Variants in RBM27 observed in about 807,000 individuals in gnomAD.
The protein encoded by RBM27 is RNA binding motif protein 27.
Under a neutral mutation model 135.3 loss-of-function variants are expected in RBM27, and 22 were observed. The ratio of observed to expected loss-of-function variants is 0.16; its 90% CI spans 0.12 to 0.23. The LOEUF is 0.23. Among genes scored for constraint, RBM27 ranks in the 10% least tolerant of loss-of-function variants. The pLI, the probability that RBM27 is intolerant of heterozygous loss-of-function variation, is 1.00. For missense variants in RBM27, 1,009 were observed against 1,281.0 expected (o/e 0.79, Z 3.24); for synonymous variants, 481 against 442.4 (o/e 1.09, Z -1.10).
At chr5:146,249,955 C>G (rs965393932) in intron 8 of RBM27, among the ~76,000 whole-genome samples, 4 of 152,062 alleles carry the variant, frequency 2.6e-5, no homozygotes, top group Admixed American at 6.5e-5. Flanking sequence ...AGGGTTAATG[C>G]TAAGTGCACA....
At chr5:146,258,104 C>T (rs1428932668) in intron 10 of RBM27, among the ~76,000 whole-genome samples, 1 of 152,042 alleles carries the variant, frequency 6.6e-6, no homozygotes, top group Non-Finnish European at 1.5e-5. Flanking sequence ...CAGGCGTGAG[C>T]CACCGTGCCT....
Position 146,219,033 on chromosome 5 carries a change from C to A in RBM27, c.108C>A (p.Val36=). Residue 36 remains valine (V), a synonymous_variant, in exon 2 of 21, where the codon GTC becomes GTA. Transcript: ENST00000265271. The part of the protein sequence containing the change: ...SALANYVVAL[V]KKDKPEKELK... ...TAGCCAACTATGTTGTAGCACTGGT[C>A]AAGAAGGACAAACCTGAGAAAGAAT... 6.2e-7 allele frequency: 1 copy of A among 1,613,494 alleles called. No individual in the cohort carries two copies. The highest frequency in any genetic ancestry group is 1.1e-5 in the South Asian group (1 of 90,938).
At position 146,240,378 on chromosome 5, in the gene RBM27, G is replaced by A. The variant is rs142251157; in HGVS notation, c.1279+2946G>A. On this transcript the variant is annotated intron_variant, in intron 8 of 20. Transcript: ENST00000265271. ...GTCTCACTTTGTCGCCCAGGCTGGA[G>A]TGCAGTGGTGAGATCTCAGCTTATT... 7.2e-5 allele frequency among the ~76,000 whole-genome samples: 11 copies of A among 152,132 alleles called. No individual in the cohort carries two copies. In the East Asian group the frequency reaches 2.1e-3, roughly 29 times the overall value.
rs1759563174 is a variant in RBM27 at position 146,285,935 on chromosome 5, C to G, written c.3100-12C>G. Reference sequence around the variant, plus strand: ...TGTGCCACTAAGCAGATTTTAACCTCTCTTTCTTCAGGAAACAGAAACCTC... The same window carrying G: ...TGTGCCACTAAGCAGATTTTAACCTGTCTTTCTTCAGGAAACAGAAACCTC... On this transcript the variant is annotated splice_polypyrimidine_tract_variant and intron_variant, in intron 20 of 20. Coordinates refer to ENST00000265271, the MANE Select transcript of RBM27 (RefSeq NM_018989.2). The G allele has an allele frequency of 1.2e-6, 2 of 1,607,042 alleles. No individual in the cohort carries two copies. The highest frequency in any genetic ancestry group is 2.2e-5 in the South Asian group (2 of 90,526).
chr5:146,275,143 GTTA>G (rs1445297006), intron 19 of RBM27, among the ~76,000 whole-genome samples: 1 of 151,228 alleles, frequency 6.6e-6, no homozygotes, highest in African/African-American at 2.4e-5. Context: ...CCCCTGGTAT[GTTA>G]TTATGTTACT....
intron 8 of RBM27, among the ~76,000 whole-genome samples, chr5:146,244,910 G>A (rs925065906): frequency 3.3e-5 from 5 of 151,888 alleles, no homozygotes; most frequent in African/African-American, 7.2e-5. Flanking sequence ...GTCTTGCTCT[G>A]TTGCCCAGGG....
At chr5:146,275,762 T>C (rs1759068086) in intron 19 of RBM27, among the ~76,000 whole-genome samples, 1 of 152,218 alleles carries the variant, frequency 6.6e-6, no homozygotes, top group African/African-American at 2.4e-5. Context: ...TTCATCCCTG[T>C]TGAAGGGAGG....
chr5:146,260,115 A>G (rs556235700), intron 11 of RBM27, among the ~76,000 whole-genome samples: 2 of 152,044 alleles, frequency 1.3e-5, no homozygotes, highest in South Asian at 2.1e-4. Flanking sequence ...CCTGGCCAAC[A>G]TGGTGAAACC....
intron 3 of RBM27, among the ~76,000 whole-genome samples, chr5:146,224,696 A>T (rs1756591557): frequency 6.6e-6 from 1 of 152,078 alleles, no homozygotes; most frequent in Admixed American, 6.6e-5. Flanking sequence ...AAGAAAAAAA[A>T]AAATTACGAG....
At chr5:146,257,247 T>C (rs1263319240) in intron 10 of RBM27, among the ~76,000 whole-genome samples, 1 of 152,214 alleles carries the variant, frequency 6.6e-6, no homozygotes, top group African/African-American at 2.4e-5. Flanking sequence ...GTGGAGTTGC[T>C]AAAGTTAAGA....
At chr5:146,278,981 A>C (rs374561196) in intron 19 of RBM27, among the ~76,000 whole-genome samples, 62 of 151,776 alleles carry the variant, frequency 4.1e-4, no homozygotes, top group African/African-American at 1.4e-3. Flanking sequence ...TCTGCCTCCC[A>C]AAGTGCTGGG....
chr5:146,229,191 TTTTTGTC>T (rs1466602594), intron 4 of RBM27, among the ~76,000 whole-genome samples, 154 bp downstream of exon 4: 1 of 152,166 alleles, frequency 6.6e-6, no homozygotes, highest in Admixed American at 6.6e-5. Context: ...TTCTTTCTGT[TTTTTGTC>T]TTTTGTCTTA....
chr5:146,243,072 C>G (rs372549660), intron 8 of RBM27, among the ~76,000 whole-genome samples: 247 of 151,954 alleles, frequency 1.6e-3, no homozygotes, highest in African/African-American at 5.7e-3. Flanking sequence ...TTGAGACCAG[C>G]GTGGTCAACA....
intron 6 of RBM27, among the ~76,000 whole-genome samples, chr5:146,232,980 G>C (rs999481860): frequency 6.6e-6 from 1 of 152,068 alleles, no homozygotes; most frequent in Non-Finnish European, 1.5e-5. Context: ...TGATAACCTG[G>C]TACATAATGT....
At chr5:146,230,541 G>GTTTAATAT in intron 5 of RBM27, 116 bp from the exon 6 acceptor site, 2 of 1,068,068 alleles carry the variant, frequency 1.9e-6, no homozygotes, top group South Asian at 3.2e-5. Flanking sequence ...AATATGGATA[G>GTTTAATAT]CTAGATAAGT....
Position 146,256,539 on chromosome 5 carries a change from C to T in RBM27, c.1594+1447C>T, listed in dbSNP as rs193266647. Among the ~76,000 whole-genome samples, 273 of 151,612 alleles carry T rather than the reference C, an allele frequency of 1.8e-3. 1 individual carries two copies. The highest frequency in any genetic ancestry group is 5.3e-3 in the African/African-American group (217 of 41,314). ...CTAATTTTTGTATTTTTAGTAGAGA[C>T]GAGGTTTCACCATATTGGTCAGGCT... On this transcript the variant is annotated intron_variant, in intron 10 of 20. Transcript: ENST00000265271.
intron 19 of RBM27, 67 bp downstream of exon 19, chr5:146,271,741 G>A: frequency 4.5e-6 from 6 of 1,348,026 alleles, no homozygotes; most frequent in Non-Finnish European, 6.1e-6. Flanking sequence ...TTGCTGCAGT[G>A]TCTATAAATG....
At chr5:146,252,837 CT>C (rs1254985010) in intron 9 of RBM27, among the ~76,000 whole-genome samples, 2 of 152,038 alleles carry the variant, frequency 1.3e-5, no homozygotes, top group East Asian at 3.8e-4. Context: ...TAAATACTGT[CT>C]TTAGTTGTCT....
Position 146,263,759 on chromosome 5 carries a change from A to C in RBM27, c.2331+128A>C, listed in dbSNP as rs559619338. Reference sequence around the variant, plus strand: ...CTAAGTGTGGCAGGTATACCTCTCTAGTTTCCATGTTTCAGTCAGAAATTT... The same window carrying C: ...CTAAGTGTGGCAGGTATACCTCTCTCGTTTCCATGTTTCAGTCAGAAATTT... On this transcript the variant is annotated intron_variant, in intron 14 of 20. Coordinates refer to ENST00000265271, the MANE Select transcript of RBM27 (RefSeq NM_018989.2). 9 of 1,099,952 alleles carry C rather than the reference A, an allele frequency of 8.2e-6. No homozygotes were observed. In the East Asian group the frequency reaches 1.8e-4, roughly 22 times the overall value. The allele number at this position is 1,099,952 out of a possible 1,614,324, so 68.1% of individuals were successfully genotyped here.
Sources: allele counts gnomAD v4.1 joint callset (sites outside exome capture counted in the v4.1 genomes callset), GRCh38; gene constraint gnomAD v4.1.1; transcripts MANE v1.5; gene names NCBI Gene and HGNC (gene_info 2026-07-23, HGNC 2026-07-21).